The following DGKI variants were observed in gnomAD, a reference collection of about 807,000 sequenced individuals.
The protein encoded by DGKI is diacylglycerol kinase iota.
A neutral mutation model predicts 147.5 loss-of-function variants in DGKI; 55 were observed. The ratio of observed to expected loss-of-function variants is 0.37; its 90% CI spans 0.30 to 0.47. The LOEUF (loss-of-function observed/expected upper bound fraction) is 0.47. Among genes scored for constraint, DGKI ranks in the 20% least tolerant of loss-of-function variants. The pLI, the probability that DGKI is intolerant of heterozygous loss-of-function variation, is 1.00. For synonymous variants in DGKI, 469 were observed against 477.1 expected (o/e 0.98, Z 0.22); for missense variants, 1,007 against 1,323.8 (o/e 0.76, Z 3.71).
chr7:137,483,791 G>T (rs1372826510), intron 23 of DGKI, among the ~76,000 whole-genome samples: 4 of 152,008 alleles, frequency 2.6e-5, no homozygotes, highest in Non-Finnish European at 4.4e-5. Context: ...CCTTTTTATG[G>T]CTGCATAGTA....
intron 1 of DGKI, among the ~76,000 whole-genome samples, chr7:137,809,471 T>A (rs779704750): frequency 3.3e-5 from 5 of 152,186 alleles, no homozygotes; most frequent in Non-Finnish European, 5.9e-5. Flanking sequence ...CCACCAGGTA[T>A]CAGCCTGCAG....
chr7:137,636,061 T>C (rs1433028759), intron 6 of DGKI, among the ~76,000 whole-genome samples: 1 of 152,236 alleles, frequency 6.6e-6, no homozygotes, highest in African/African-American at 2.4e-5. Context: ...TCCTGATCAT[T>C]AGGCACAGAT....
chr7:137,761,880 G>A (rs1279919843), intron 1 of DGKI, among the ~76,000 whole-genome samples: 1 of 152,026 alleles, frequency 6.6e-6, no homozygotes, highest in Non-Finnish European at 1.5e-5. Context: ...CAACTTGACC[G>A]AAGCAAGATT....
intron 10 of DGKI, among the ~76,000 whole-genome samples, chr7:137,606,367 G>T (rs1336704903): frequency 1.3e-5 from 2 of 152,054 alleles, no homozygotes; most frequent in East Asian, 3.9e-4. Flanking sequence ...GAAGGAGATA[G>T]GAATCCTTTA....
chr7:137,682,526 T>C (rs1036989646), intron 2 of DGKI, among the ~76,000 whole-genome samples: 5 of 152,204 alleles, frequency 3.3e-5, no homozygotes, highest in Non-Finnish European at 7.3e-5. Flanking sequence ...GTTCATTATA[T>C]TTATTATTGT....
At chr7:137,592,667 G>C (rs1819658162) in intron 12 of DGKI, among the ~76,000 whole-genome samples, 1 of 152,206 alleles carries the variant, frequency 6.6e-6, no homozygotes, top group African/African-American at 2.4e-5. Flanking sequence ...CTCACGTTTG[G>C]AAATCAAAGG....
chr7:137,722,704 T>C, intron 1 of DGKI: 1 of 1,580,342 alleles, frequency 6.3e-7, no homozygotes. Flanking sequence ...AAAAGAGAAA[T>C]ATGAGATTAC....
chr7:137,563,507 A>G (rs973210279), intron 19 of DGKI, among the ~76,000 whole-genome samples: 14 of 152,028 alleles, frequency 9.2e-5, no homozygotes, highest in African/African-American at 2.9e-4. Context: ...TTCAAACAAT[A>G]TAATTGTGGT....
chr7:137,825,255 G>T (rs1181154965), intron 1 of DGKI, among the ~76,000 whole-genome samples: 1 of 152,060 alleles, frequency 6.6e-6, no homozygotes, highest in Non-Finnish European at 1.5e-5. Context: ...TCACATAACT[G>T]CATTTGCACG....
intron 1 of DGKI, among the ~76,000 whole-genome samples, chr7:137,733,455 G>C (rs1485514484): frequency 2.6e-5 from 4 of 152,034 alleles, no homozygotes; most frequent in Non-Finnish European, 5.9e-5. Context: ...GTATTCCATT[G>C]TATGTATGTA....
At chr7:137,399,467 C>T (rs780092087) in intron 30 of DGKI, among the ~76,000 whole-genome samples, 16 of 152,146 alleles carry the variant, frequency 1.1e-4, no homozygotes, top group East Asian at 3.9e-4. Flanking sequence ...TGACCAGGGG[C>T]GAGGTTTCTG....
At chr7:137,583,292 T>G (rs1819270170) in intron 14 of DGKI, among the ~76,000 whole-genome samples, 1 of 152,196 alleles carries the variant, frequency 6.6e-6, no homozygotes, top group Non-Finnish European at 1.5e-5. Context: ...GCCAAAATCA[T>G]GTCTTACTCT....
intron 5 of DGKI, 31 bp downstream of exon 5, chr7:137,654,701 G>A: frequency 6.9e-7 from 1 of 1,454,922 alleles, no homozygotes; most frequent in Middle Eastern, 1.7e-4. Context: ...AATCAAAGGT[G>A]ATACTTGAAA....
At chr7:137,494,624 A>G (rs1420810891) in intron 21 of DGKI, among the ~76,000 whole-genome samples, 6 of 152,208 alleles carry the variant, frequency 3.9e-5, no homozygotes, top group Non-Finnish European at 2.9e-5. Context: ...GCAAATGCTA[A>G]GAGAATTCAT....
chr7:137,404,253 C>A (rs1227981759), intron 30 of DGKI, among the ~76,000 whole-genome samples: 5 of 151,800 alleles, frequency 3.3e-5, no homozygotes, highest in South Asian at 2.1e-4. Flanking sequence ...TATTAAAAAA[C>A]AAAACGACAG....
At chr7:137,607,449 AC>A (rs1820220546) in intron 10 of DGKI, among the ~76,000 whole-genome samples, 1 of 152,206 alleles carries the variant, frequency 6.6e-6, no homozygotes, top group Admixed American at 6.5e-5. Flanking sequence ...AATAATTTAC[AC>A]ATAGACTGGA....
intron 10 of DGKI, among the ~76,000 whole-genome samples, chr7:137,604,710 C>G (rs893038129): frequency 1.3e-5 from 2 of 152,074 alleles, no homozygotes; most frequent in Admixed American, 1.3e-4. Context: ...TCCTAGAGGT[C>G]AGAACATTGC....
rs1021346479 is a variant in DGKI, at chr7:137,391,086, A to C, written c.*134T>G. On this transcript the variant is annotated 3_prime_UTR_variant, in exon 33 of 33. Transcript: ENST00000614521. ...TTGGTAGCCCTTAAAAGCTAGTGGC[A>C]TGGTCTCAGGTAGATTCTTGCAGGA... The C allele has an allele frequency of 1.3e-6, 1 of 749,778 alleles. No individual in the cohort carries two copies. Among genetic ancestry groups the C allele is most frequent in the Admixed American group, 1.9e-5 (1 of 51,748 alleles). 46.4% of individuals were successfully genotyped at this position (749,778 alleles called of 1,614,324 possible).
rs925699602 is a variant in DGKI at position 137,656,554 on chromosome 7, T to A, written c.607-14A>T. The stretch of plus-strand genomic sequence containing the variant: ...GAGAGCTGATTTCTACAATATTCAA[T>A]TCAAAAGACAAAAAAGAAATGTTAA... On this transcript the variant is annotated splice_polypyrimidine_tract_variant and intron_variant, in intron 3 of 32. Coordinates refer to ENST00000614521, the MANE Select transcript of DGKI (RefSeq NM_001321708.2). The A allele has an allele frequency of 3.7e-5, 59 of 1,613,482 alleles. No homozygotes were observed. The highest frequency in any genetic ancestry group is 4.7e-5 in the Non-Finnish European group (56 of 1,179,594).
Sources: allele counts gnomAD v4.1 joint callset (sites outside exome capture counted in the v4.1 genomes callset), GRCh38; gene constraint gnomAD v4.1.1; transcripts MANE v1.5; gene names NCBI Gene and HGNC (gene_info 2026-07-23, HGNC 2026-07-21).